The following HSD17B11 variants were observed in gnomAD, a reference collection of about 807,000 sequenced individuals.
The protein encoded by HSD17B11 is estradiol 17-beta-dehydrogenase 11.
A neutral mutation model predicts 27.8 loss-of-function variants in HSD17B11; 22 were observed. The ratio of observed to expected loss-of-function variants is 0.79; its 90% CI spans 0.56 to 1.13. The LOEUF (loss-of-function observed/expected upper bound fraction) is 1.13, where lower values mean the gene tolerates loss of function less well. Ranked by LOEUF, HSD17B11 falls within the 50% of genes most tolerant of loss-of-function variation. The pLI is 0.00. For missense variants in HSD17B11, 314 were observed against 351.1 expected, an observed-to-expected ratio of 0.89 and a Z score of 0.84; for synonymous variants, 117 against 132.8, an observed-to-expected ratio of 0.88 and a Z score of 0.82.
intron 4 of HSD17B11, among the ~76,000 whole-genome samples, chr4:87,360,020 G>A (rs972409363): frequency 2.6e-5 from 4 of 152,106 alleles, no homozygotes; most frequent in Admixed American, 2.6e-4. Context: ...ATATAAAAAT[G>A]CCAGTAGATG....
chr4:87,372,077 C>A (rs1343175984), intron 4 of HSD17B11, among the ~76,000 whole-genome samples: 1 of 151,878 alleles, frequency 6.6e-6, no homozygotes, highest in Non-Finnish European at 1.5e-5. Flanking sequence ...CCCGTCTCTA[C>A]TAAAAATACA....
At position 87,357,436 on chromosome 4, in the gene HSD17B11, A is replaced by G. The variant is rs200122042; in HGVS notation, c.558-20T>C. On this transcript the variant is annotated intron_variant, in intron 4 of 6. Transcript: ENST00000358290. ...CTTGAACTGAAAATAGAGAGTTTACAAAATAATTCAAGAATTCTGAAATGT... is the reference window on the plus strand; with the variant it reads ...CTTGAACTGAAAATAGAGAGTTTACGAAATAATTCAAGAATTCTGAAATGT... The G allele has an allele frequency of 1.4e-5, 22 of 1,604,490 alleles. No homozygotes were observed. The highest frequency in any genetic ancestry group is 8.5e-7 in the Non-Finnish European group (1 of 1,175,550).
chr4:87,385,995 TA>T (rs1720305162), intron 1 of HSD17B11: 1 of 152,166 alleles, frequency 6.6e-6, no homozygotes, highest in Non-Finnish European at 1.5e-5. Context: ...GAACAAATTT[TA>T]CAATAAAAAT....
At chr4:87,355,348 C>A (rs1295983064) in intron 5 of HSD17B11, among the ~76,000 whole-genome samples, 3 of 151,836 alleles carry the variant, frequency 2.0e-5, no homozygotes, top group Non-Finnish European at 4.4e-5. Context: ...ATGAAAAATG[C>A]AACCATAAAA....
chr4:87,386,047 C>T (rs923136895), intron 1 of HSD17B11: 4 of 151,820 alleles, frequency 2.6e-5, no homozygotes, highest in African/African-American at 9.7e-5. Flanking sequence ...TTGCTTATTA[C>T]TGGTTGGCTT....
rs1462284970 is a variant in HSD17B11 at position 87,382,314 on chromosome 4, C to T, written c.259G>A (p.Val87Ile). 5 of 1,614,048 alleles carry T rather than the reference C, an allele frequency of 3.1e-6. No homozygotes were observed. Among genetic ancestry groups the T allele is most frequent in the Non-Finnish European group, 4.2e-6 (5 of 1,179,946 alleles). Residue 87 changes from valine (V) to isoleucine (I), a missense_variant, in exon 2 of 7, where the codon GTT becomes ATT. By Grantham distance (29) the Val-to-Ile change is conservative. Coordinates refer to ENST00000358290, the MANE Select transcript of HSD17B11 (RefSeq NM_016245.5). ...CTGCAGTCTACCACAAAGGTATGAA[C>T]CTTGGCACCCAGTCCCTTGCATTTG... ...AAKCKGLGAK[V>I]HTFVVDCSNR...
intron 6 of HSD17B11, among the ~76,000 whole-genome samples, chr4:87,338,342 C>A (rs923385461): frequency 6.6e-6 from 1 of 151,986 alleles, no homozygotes; most frequent in Middle Eastern, 3.4e-3. Context: ...TGGGAGAAAA[C>A]AAAACAGAAT....
intron 2 of HSD17B11, among the ~76,000 whole-genome samples, chr4:87,377,244 G>A (rs1735847346): frequency 6.6e-6 from 1 of 152,194 alleles, no homozygotes; most frequent in Non-Finnish European, 1.5e-5. Flanking sequence ...GAGGTCAGGA[G>A]TTCAAGACCA....
intron 4 of HSD17B11, among the ~76,000 whole-genome samples, chr4:87,371,782 A>G (rs916169031): frequency 6.6e-6 from 1 of 152,200 alleles, no homozygotes; most frequent in Non-Finnish European, 1.5e-5. Flanking sequence ...GCCAGTAAGG[A>G]TCACAGACTG....
chr4:87,370,744 TTATTATTATTA>T (rs1560765944), intron 4 of HSD17B11, among the ~76,000 whole-genome samples: 1 of 5,628 alleles, frequency 1.8e-4, no homozygotes, highest in South Asian at 3.3e-3. Flanking sequence ...ATTATTATTA[TTATTATTATTA>T]TTTTTTTTTT....
At chr4:87,368,046 G>A (rs1051584140) in intron 4 of HSD17B11, among the ~76,000 whole-genome samples, 6 of 152,144 alleles carry the variant, frequency 3.9e-5, no homozygotes, top group African/African-American at 7.2e-5. Flanking sequence ...GGCTAGGCAC[G>A]GTGGCTCATG....
At chr4:87,376,262 T>C (rs952143669) in intron 2 of HSD17B11, among the ~76,000 whole-genome samples, 2 of 152,132 alleles carry the variant, frequency 1.3e-5, no homozygotes, top group Non-Finnish European at 2.9e-5. Flanking sequence ...TCCCAGCATT[T>C]GGGAGGCCAA....
At chr4:87,360,390 T>C (rs916764717) in intron 4 of HSD17B11, among the ~76,000 whole-genome samples, 2 of 152,232 alleles carry the variant, frequency 1.3e-5, no homozygotes, top group Non-Finnish European at 2.9e-5. Context: ...TAATAATCAA[T>C]GATGTCTCCA....
In HSD17B11 at chr4:87,391,143, C is replaced by A. The variant is rs1309797105; in HGVS notation, c.-73G>T. ...ACTCTAAACTGCTTTTAGAGGGTAG[C>A]TCGATCTAACACCAGAAAGAGTAGG... On this transcript the variant is annotated 5_prime_UTR_variant, in exon 1 of 7. Coordinates refer to ENST00000358290, the MANE Select transcript of HSD17B11 (RefSeq NM_016245.5). 5.6e-6 allele frequency: 6 copies of A among 1,063,978 alleles called. No homozygotes were observed. Among genetic ancestry groups the A allele is most frequent in the Non-Finnish European group, 6.8e-6 (5 of 730,436 alleles). 65.9% of individuals were successfully genotyped at this position (1,063,978 alleles called of 1,614,324 possible). A position where few individuals can be genotyped will look rare whatever the true frequency, so the allele number is the denominator to read the frequency against.
At chr4:87,354,962 A>AAG (rs1373732362) in intron 5 of HSD17B11, among the ~76,000 whole-genome samples, 1 of 151,370 alleles carries the variant, frequency 6.6e-6, no homozygotes, top group Non-Finnish European at 1.5e-5. Flanking sequence ...AAAAAAAAAA[A>AAG]AAAAAAAAAA....
At chr4:87,360,530 A>C (rs1735488656) in intron 4 of HSD17B11, among the ~76,000 whole-genome samples, 2 of 152,216 alleles carry the variant, frequency 1.3e-5, no homozygotes, top group Admixed American at 1.3e-4. Flanking sequence ...TGTTCTGGTA[A>C]TACCGCTGTC....
At chr4:87,369,495 G>A (rs1578041416) in intron 4 of HSD17B11, among the ~76,000 whole-genome samples, 1 of 151,260 alleles carries the variant, frequency 6.6e-6, no homozygotes, top group East Asian at 1.9e-4. Context: ...GTGCAGTGGT[G>A]AAATCATGGC....
intron 4 of HSD17B11, among the ~76,000 whole-genome samples, chr4:87,372,433 G>A (rs1343784479): frequency 6.6e-6 from 1 of 151,958 alleles, no homozygotes; most frequent in Non-Finnish European, 1.5e-5. Context: ...TATTAAAAGA[G>A]ATGAGAAATG....
intron 5 of HSD17B11, among the ~76,000 whole-genome samples, chr4:87,344,547 A>G (rs566914360): frequency 1.3e-5 from 2 of 152,346 alleles, no homozygotes; most frequent in South Asian, 2.1e-4. Flanking sequence ...CAGTTTCAAC[A>G]ATAATAGCCG....
Sources: allele counts gnomAD v4.1 joint callset (sites outside exome capture counted in the v4.1 genomes callset), GRCh38; gene constraint gnomAD v4.1.1; transcripts MANE v1.5; gene names NCBI Gene and HGNC (gene_info 2026-07-23, HGNC 2026-07-21).